The following RIPK1 variants were observed in gnomAD, a reference collection of about 807,000 sequenced individuals.
The protein encoded by RIPK1 is receptor-interacting serine/threonine-protein kinase 1.
RIPK1 carries 27 observed loss-of-function variants against 62.4 expected under a neutral mutation model. The ratio of observed to expected loss-of-function variants is 0.43; its 90% CI spans 0.32 to 0.60. RIPK1 has a LOEUF of 0.60. Ranked by LOEUF, RIPK1 falls within the 20% of genes least tolerant of loss-of-function variation. The pLI is 0.07. For synonymous variants in RIPK1, 287 were observed against 303.2 expected (o/e 0.95, Z 0.55); for missense variants, 735 against 831.0 (o/e 0.88, Z 1.42).
chr6:3,108,272 T>C (rs1199591125), intron 9 of RIPK1, among the ~76,000 whole-genome samples: 1 of 152,044 alleles, frequency 6.6e-6, no homozygotes, highest in Non-Finnish European at 1.5e-5. Flanking sequence ...TGGGTGACTT[T>C]GGGAAAGTCA....
chr6:3,101,119 AAC>A (rs1255631526), intron 7 of RIPK1, among the ~76,000 whole-genome samples: 1 of 152,102 alleles, frequency 6.6e-6, no homozygotes, highest in Non-Finnish European at 1.5e-5. Flanking sequence ...CTCTACAAAA[AAC>A]ACAAAAATTA....
At position 3,089,643 on chromosome 6, in the gene RIPK1, G is replaced by A. The variant is rs558445528; in HGVS notation, c.901G>A (p.Val301Met). 32 of 1,578,986 alleles carry A rather than the reference G, an allele frequency of 2.0e-5. No individual in the cohort carries two copies. The highest frequency in any genetic ancestry group is 1.9e-4 in the Admixed American group (11 of 58,684). The change falls in exon 7 of 11, where the codon GTG becomes ATG. Residue 301 changes from valine to methionine, a missense_variant. Physicochemically the swap from Val to Met is conservative, Grantham distance 21. Coordinates refer to ENST00000259808, the MANE Select transcript of RIPK1 (RefSeq NM_001354930.2). ...ATTAGAAGAAAGTGTAGAAGAGGACGTGAAGAGTTTAAAGGTAGGCAATAT... is the reference window on the plus strand; with the variant it reads ...ATTAGAAGAAAGTGTAGAAGAGGACATGAAGAGTTTAAAGGTAGGCAATAT... ...SQLEESVEEDVKSLKKEYSNE... is the reference protein window; with the variant it reads ...SQLEESVEEDMKSLKKEYSNE...
chr6:3,109,850 C>T (rs1287581326), intron 9 of RIPK1, among the ~76,000 whole-genome samples: 1 of 152,196 alleles, frequency 6.6e-6, no homozygotes, highest in Non-Finnish European at 1.5e-5. Flanking sequence ...TGACTCTGAC[C>T]AGTCTAGGTA....
chr6:3,101,525 T>G (rs1396594434), intron 7 of RIPK1, among the ~76,000 whole-genome samples: 1 of 152,188 alleles, frequency 6.6e-6, no homozygotes, highest in Non-Finnish European at 1.5e-5. Context: ...ATTAATACCC[T>G]CTGTCATTCT....
intron 10 of RIPK1, 124 bp from the exon 11 acceptor site, chr6:3,112,929 A>G (rs1761238131): frequency 1.3e-6 from 1 of 747,164 alleles, no homozygotes; most frequent in Admixed American, 3.0e-5. Flanking sequence ...TATATAACTA[A>G]GAAGTTATCT....
At chr6:3,101,876 AC>A (rs1760604606) in intron 7 of RIPK1, among the ~76,000 whole-genome samples, 1 of 152,188 alleles carries the variant, frequency 6.6e-6, no homozygotes, top group Admixed American at 6.5e-5. Context: ...TGCGGCCATT[AC>A]CACTATCTAT....
intron 7 of RIPK1, among the ~76,000 whole-genome samples, chr6:3,097,083 C>G (rs1395696410): frequency 6.6e-6 from 1 of 151,852 alleles, no homozygotes; most frequent in Non-Finnish European, 1.5e-5. Context: ...GTTGGCCAGG[C>G]TGGTCTCAAA....
chr6:3,065,254 G>T (rs1758326886), upstream of RIPK1, among the ~76,000 whole-genome samples: 1 of 92,394 alleles, frequency 1.1e-5, no homozygotes, highest in Non-Finnish European at 1.9e-5. Flanking sequence ...GACAGAGCCA[G>T]ACTCCGTCTC....
At chr6:3,111,511 CT>C (rs563970364) in intron 10 of RIPK1, among the ~76,000 whole-genome samples, 2,873 of 136,660 alleles carry the variant, frequency 0.021, 26 homozygotes, top group Non-Finnish European at 0.026. Flanking sequence ...GGGATTGGCG[CT>C]TTTTTTTTTT....
At chr6:3,099,261 T>C (rs769535463) in intron 7 of RIPK1, among the ~76,000 whole-genome samples, 3 of 152,130 alleles carry the variant, frequency 2.0e-5, no homozygotes, top group Non-Finnish European at 4.4e-5. Flanking sequence ...AAAACAAAAA[T>C]AGGCCGGGTG....
upstream of RIPK1, among the ~76,000 whole-genome samples, chr6:3,066,217 T>C (rs1758372448): frequency 6.6e-6 from 1 of 152,014 alleles, no homozygotes; most frequent in African/African-American, 2.4e-5. Context: ...AGAGACGAGG[T>C]TTCATCATGT....
chr6:3,083,382 G>T, intron 5 of RIPK1, 69 bp downstream of exon 5: 1 of 1,340,872 alleles, frequency 7.5e-7, no homozygotes, highest in Admixed American at 2.1e-5. Context: ...GAACTAATAG[G>T]TGCCCAGTAA....
At chr6:3,076,500 G>C (rs950507578) in intron 1 of RIPK1, among the ~76,000 whole-genome samples, 1 of 151,100 alleles carries the variant, frequency 6.6e-6, no homozygotes, top group African/African-American at 2.4e-5. Context: ...AGATCCCCCG[G>C]CCCCCCCATC....
chr6:3,102,151 T>C (rs995444374), intron 7 of RIPK1, among the ~76,000 whole-genome samples: 2 of 152,234 alleles, frequency 1.3e-5, no homozygotes, highest in South Asian at 2.1e-4. Flanking sequence ...TTCCATCATA[T>C]GGATATACAG....
rs760650079 is a variant in RIPK1 at position 3,077,945 on chromosome 6, GCC to G, written c.321+13_321+14del. Reference sequence around the variant, plus strand: ...CGTGCTGAAAGCCGAGGTAGAGAGGGCCCCTCCGCACGGGGATCCCCAGCGCT... The same window carrying G: ...CGTGCTGAAAGCCGAGGTAGAGAGGGCCTCCGCACGGGGATCCCCAGCGCT... On this transcript the variant is annotated intron_variant, in intron 3 of 10. Transcript: ENST00000259808. The G allele has an allele frequency of 1.2e-6, 2 of 1,613,274 alleles. No homozygotes were observed. Among genetic ancestry groups the G allele is most frequent in the Admixed American group, 3.3e-5 (2 of 60,006 alleles).
chr6:3,073,991 A>G (rs1158682883), intron 1 of RIPK1, among the ~76,000 whole-genome samples: 4 of 152,256 alleles, frequency 2.6e-5, no homozygotes, highest in African/African-American at 9.6e-5. Context: ...AGTACACATC[A>G]GTACACATCT....
chr6:3,097,887 A>C (rs781349705), intron 7 of RIPK1, among the ~76,000 whole-genome samples: 16 of 152,162 alleles, frequency 1.1e-4, no homozygotes, highest in Admixed American at 1.3e-4. Context: ...ACTTTTATTC[A>C]TCAAAATAAA....
chr6:3,071,902 T>TC (rs1758731333), intron 1 of RIPK1, among the ~76,000 whole-genome samples: 1 of 152,242 alleles, frequency 6.6e-6, no homozygotes, highest in African/African-American at 2.4e-5. Context: ...ATAGGACTCC[T>TC]CATAAAGTAG....
At chr6:3,080,798 TG>T (rs1158155944) in intron 3 of RIPK1, among the ~76,000 whole-genome samples, 180 bp from the exon 4 acceptor site, 10 of 144,732 alleles carry the variant, frequency 6.9e-5, no homozygotes, top group Non-Finnish European at 1.5e-4. Flanking sequence ...GAATACCCTC[TG>T]CCCCCCCCCG....
Sources: gnomAD v4.1 joint callset for allele counts (sites outside exome capture counted in the v4.1 genomes callset) on GRCh38, gnomAD v4.1.1 for gene constraint, MANE v1.5 for transcripts, NCBI Gene and HGNC (gene_info 2026-07-23, HGNC 2026-07-21) for gene names.